The following PLXNA4 variants were observed in gnomAD, a reference collection of about 807,000 sequenced individuals.
PLXNA4 encodes the protein plexin A4.
A neutral mutation model predicts 191.8 loss-of-function variants in PLXNA4; 44 were observed. That is an observed-to-expected ratio of 0.23 (90% CI 0.18 to 0.29). PLXNA4 has a LOEUF of 0.29. PLXNA4 is among the 10% of genes least tolerant of loss of function. The probability of loss-of-function intolerance (pLI) is 1.00; values close to 1 mark genes in which losing one functional copy is unlikely to be tolerated. For missense variants in PLXNA4, 1,800 were observed against 2,488.8 expected (o/e 0.72, Z 5.89); for synonymous variants, 1,082 against 1,009.5 (o/e 1.07, Z -1.36).
At chr7:132,563,253 A>C (rs970525621) in intron 1 of PLXNA4, among the ~76,000 whole-genome samples, 4,896 of 20,264 alleles carry the variant, frequency 0.24, no homozygotes, top group Non-Finnish European at 0.26. Flanking sequence ...TCCTTCTCCT[A>C]CTCCTTCTCC....
At chr7:132,610,640 G>A (rs1803027200) in intron 2 of PLXNA4, among the ~76,000 whole-genome samples, 1 of 152,178 alleles carries the variant, frequency 6.6e-6, no homozygotes, top group African/African-American at 2.4e-5. Context: ...GTGCATGCAT[G>A]GGAAGAGGGT....
At position 132,366,966 on chromosome 7, in the gene PLXNA4, C is replaced by T. The variant is rs149199474; in HGVS notation, c.1372-68744G>A. 6.0e-4 allele frequency among the ~76,000 whole-genome samples: 92 copies of T among 152,146 alleles called. 1 individual carries two copies. The highest frequency in any genetic ancestry group is 3.4e-3 in the Middle Eastern group (1 of 294). On this transcript the variant is annotated intron_variant, in intron 3 of 31. Transcript: ENST00000321063. ...TGTTATTTTTGTAGAGACAGGTTCT[C>T]GCTATGTTGTCCAGGCTAGTCTCAA...
chr7:132,371,621 C>T (rs1054977675), intron 3 of PLXNA4, among the ~76,000 whole-genome samples: 3 of 152,152 alleles, frequency 2.0e-5, no homozygotes, highest in Non-Finnish European at 4.4e-5. Context: ...GGAAGGGAAG[C>T]AGCCACTTGG....
At chr7:132,447,186 G>A (rs1795944086) in intron 3 of PLXNA4, among the ~76,000 whole-genome samples, 1 of 152,124 alleles carries the variant, frequency 6.6e-6, no homozygotes, top group African/African-American at 2.4e-5. Flanking sequence ...TCCCACTAGA[G>A]CCCAGAATGG....
At chr7:132,639,834 T>A (rs527335664) in intron 2 of PLXNA4, among the ~76,000 whole-genome samples, 22 of 152,332 alleles carry the variant, frequency 1.4e-4, no homozygotes, top group African/African-American at 5.1e-4. Flanking sequence ...CATGTGACAC[T>A]TGTAAATTTC....
intron 9 of PLXNA4, among the ~76,000 whole-genome samples, chr7:132,223,137 TCTC>T (rs1402222194): frequency 2.6e-5 from 4 of 152,152 alleles, no homozygotes; most frequent in Non-Finnish European, 4.4e-5. Context: ...GGGTCTCACT[TCTC>T]CTCTGTGAAC....
chr7:132,146,492 A>G lies in PLXNA4; in HGVS notation c.5055+18T>C, dbSNP rs1795438356. On this transcript the variant is annotated intron_variant, in intron 28 of 31. Transcript: ENST00000321063. ...CATAGCCTCTGGGCTCCCTGCACCC[A>G]GTTCTCAAGTCTGATACCTTAGTGG... 5 of 1,614,122 alleles carry G rather than the reference A, an allele frequency of 3.1e-6. No individual in the cohort carries two copies. The highest frequency in any genetic ancestry group is 4.2e-6 in the Non-Finnish European group (5 of 1,180,020).
At chr7:132,463,960 C>T (rs1228083049) in intron 3 of PLXNA4, among the ~76,000 whole-genome samples, 1 of 152,222 alleles carries the variant, frequency 6.6e-6, no homozygotes, top group Admixed American at 6.5e-5. Flanking sequence ...AAGTACTTCT[C>T]CCCACACCAG....
chr7:132,640,333 C>T (rs1244353057), intron 2 of PLXNA4, among the ~76,000 whole-genome samples: 2 of 152,172 alleles, frequency 1.3e-5, no homozygotes, highest in South Asian at 2.1e-4. Flanking sequence ...TAAATAAATG[C>T]ATATAGCCAT....
At chr7:132,152,959 A>G (rs1285377438) in intron 25 of PLXNA4, among the ~76,000 whole-genome samples, 1 of 152,212 alleles carries the variant, frequency 6.6e-6, no homozygotes, top group East Asian at 1.9e-4. Flanking sequence ...AACACTTGCC[A>G]TGTGCCCCCA....
chr7:132,644,843 A>T (rs1298019269), intron 2 of PLXNA4, among the ~76,000 whole-genome samples: 1 of 152,222 alleles, frequency 6.6e-6, no homozygotes, highest in Non-Finnish European at 1.5e-5. Flanking sequence ...TAGGACCTTG[A>T]GACAAAAATC....
chr7:132,179,945 G>C (rs1374579492), intron 19 of PLXNA4, 24 bp from the exon 20 acceptor site: 5 of 1,585,922 alleles, frequency 3.2e-6, no homozygotes, highest in Non-Finnish European at 3.4e-6. Context: ...GGGCAAGAGG[G>C]AGCTGGGTGT....
chr7:132,263,248 C>A (rs1289835520), intron 4 of PLXNA4, among the ~76,000 whole-genome samples: 1 of 152,200 alleles, frequency 6.6e-6, no homozygotes. Context: ...TGGCCCACCA[C>A]CAGTGGGGTG....
intron 10 of PLXNA4, among the ~76,000 whole-genome samples, chr7:132,207,565 G>A (rs1370391046): frequency 1.3e-5 from 2 of 152,240 alleles, no homozygotes; most frequent in Non-Finnish European, 1.5e-5. Context: ...CCTGGGGGCT[G>A]CAGCCATTGG....
intron 1 of PLXNA4, among the ~76,000 whole-genome samples, chr7:132,552,673 A>C (rs1800613032): frequency 6.6e-6 from 1 of 152,236 alleles, no homozygotes; most frequent in Non-Finnish European, 1.5e-5. Flanking sequence ...ATCTCAAATT[A>C]GCACTGATAC....
At chr7:132,414,043 A>G (rs1449692541) in intron 3 of PLXNA4, among the ~76,000 whole-genome samples, 1 of 152,242 alleles carries the variant, frequency 6.6e-6, no homozygotes, top group Non-Finnish European at 1.5e-5. Context: ...ACACGACTAC[A>G]CATATCTCAT....
chr7:132,631,551 T>C (rs567918018), intron 2 of PLXNA4, among the ~76,000 whole-genome samples: 1 of 152,314 alleles, frequency 6.6e-6, no homozygotes, highest in South Asian at 2.1e-4. Flanking sequence ...CTAGTGAGTG[T>C]CTGCTCTAGA....
intron 3 of PLXNA4, among the ~76,000 whole-genome samples, chr7:132,462,402 C>A (rs1049496793): frequency 2.0e-5 from 3 of 151,954 alleles, no homozygotes; most frequent in Admixed American, 6.6e-5. Context: ...AACAGAAAAA[C>A]AAGGATTGTG....
chr7:132,547,254 C>T (rs977922022), intron 1 of PLXNA4, among the ~76,000 whole-genome samples: 2 of 152,186 alleles, frequency 1.3e-5, no homozygotes, highest in Non-Finnish European at 2.9e-5. Flanking sequence ...ATCATCACCC[C>T]CATCTTACAA....
Sources: allele counts gnomAD v4.1 joint callset (sites outside exome capture counted in the v4.1 genomes callset), GRCh38; gene constraint gnomAD v4.1.1; transcripts MANE v1.5; gene names NCBI Gene and HGNC (gene_info 2026-07-23, HGNC 2026-07-21).